Variants in CLTC observed in about 807,000 individuals in gnomAD.
CLTC encodes the protein clathrin heavy chain 1.
A neutral mutation model predicts 195.8 loss-of-function variants in CLTC; 16 were observed. The observed-to-expected ratio is 0.08, with a 90% confidence interval of 0.06 to 0.12. CLTC has a LOEUF of 0.12. Among genes scored for constraint, CLTC ranks in the 10% least tolerant of loss-of-function variants. The pLI is 1.00. For synonymous variants in CLTC, 667 were observed against 689.4 expected, an observed-to-expected ratio of 0.97 and a Z score of 0.51; for missense variants, 796 against 2,027.0, an observed-to-expected ratio of 0.39 and a Z score of 11.66.
At chr17:59,649,954 A>G (rs2032289392) in intron 4 of CLTC, among the ~76,000 whole-genome samples, 1 of 152,184 alleles carries the variant, frequency 6.6e-6, no homozygotes, top group South Asian at 2.1e-4. Flanking sequence ...GTATCTGGAA[A>G]CCTGTTTATA....
At chr17:59,688,668 G>C (rs2033235277) in intron 30 of CLTC, among the ~76,000 whole-genome samples, 1 of 152,136 alleles carries the variant, frequency 6.6e-6, no homozygotes, top group Non-Finnish European at 1.5e-5. Flanking sequence ...AACTTCCTAT[G>C]TGTATGCCAG....
chr17:59,642,260 G>T (rs1327933637), intron 1 of CLTC, among the ~76,000 whole-genome samples: 1 of 152,078 alleles, frequency 6.6e-6, no homozygotes, highest in Non-Finnish European at 1.5e-5. Context: ...AGTGTCTGTG[G>T]TTTGCTTCCT....
chr17:59,685,884 A>G lies in CLTC; in HGVS notation c.4827+76A>G. 8.6e-7 allele frequency: 1 copy of G among 1,162,434 alleles called. No homozygotes were observed. The highest frequency in any genetic ancestry group is 1.2e-6 in the Non-Finnish European group (1 of 819,498). 72.0% of individuals were successfully genotyped at this position (1,162,434 alleles called of 1,614,324 possible). On this transcript the variant is annotated intron_variant, in intron 30 of 31. Coordinates refer to ENST00000269122, the MANE Select transcript of CLTC (RefSeq NM_004859.4). The surrounding 1 kb of genome is among the most constrained non-coding windows in gnomAD (Gnocchi z 5.0). The stretch of plus-strand genomic sequence containing the variant: ...TCTACATGCACATTAATTTTTTTAA[A>G]TGCTTTTTTCTTTAGTAGAAGTAAG...
Position 59,620,014 on chromosome 17 carries a change from A to C in CLTC, c.-118A>C. The C allele has an allele frequency of 2.4e-6, 2 of 825,546 alleles. No individual in the cohort carries two copies. The highest frequency in any genetic ancestry group is 2.0e-6 in the Non-Finnish European group (1 of 511,322). The allele number at this position is 825,546 out of a possible 1,614,324, so 51.1% of individuals were successfully genotyped here. A position where few individuals can be genotyped will look rare whatever the true frequency, so the allele number is the denominator to read the frequency against. The stretch of plus-strand genomic sequence containing the variant: ...CTGCCAGTTTCCTGCGTCCCCGGAG[A>C]GGATCCTGCTGAGCCCAGCCTCCCC... On this transcript the variant is annotated 5_prime_UTR_variant, in exon 1 of 32. Transcript: ENST00000269122.
intron 1 of CLTC, among the ~76,000 whole-genome samples, chr17:59,636,932 C>CTTTTTTTT (rs771908096): frequency 1.9e-3 from 192 of 103,638 alleles, no homozygotes; most frequent in East Asian, 2.1e-3. Context: ...CCGGCTAATT[C>CTTTTTTTT]TTTTTTTTTT....
Position 59,693,954 on chromosome 17 carries a change from A to C in CLTC, c.*102A>C. ...GGAAAACAGGCAACGTGTTCTTGTA[A>C]CCTTTATTTCATGAAGGACTTCTTT... On this transcript the variant is annotated 3_prime_UTR_variant, in exon 32 of 32. Transcript: ENST00000269122. 2 of 1,249,384 alleles carry C rather than the reference A, an allele frequency of 1.6e-6. No individual in the cohort carries two copies. The highest frequency in any genetic ancestry group is 1.5e-5 in the African/African-American group (1 of 65,008). The allele number at this position is 1,249,384 out of a possible 1,614,324, so 77.4% of individuals were successfully genotyped here.
At position 59,676,810 on chromosome 17, in the gene CLTC, G is replaced by A. The variant is rs1049312702; in HGVS notation, c.2562-144G>A. ...TGAATAGCCACTGCACTTCAGCCTG[G>A]ACAATGTAGCAATACTCGGGGGGCG... On this transcript the variant is annotated intron_variant, in intron 16 of 31. Coordinates refer to ENST00000269122, the MANE Select transcript of CLTC (RefSeq NM_004859.4). 1.8e-5 allele frequency: 12 copies of A among 652,278 alleles called. No individual in the cohort carries two copies. The South Asian group carries it at 2.3e-4, about 12-fold the overall frequency. 40.4% of individuals were successfully genotyped at this position (652,278 alleles called of 1,614,324 possible).
rs1330573968 is a variant in CLTC at position 59,680,908 on chromosome 17, G to T, written c.2920-4G>T. On this transcript the variant is annotated splice_region_variant and splice_polypyrimidine_tract_variant and intron_variant, in intron 18 of 31. Coordinates refer to ENST00000269122, the MANE Select transcript of CLTC (RefSeq NM_004859.4). ...AGTACTTATGTCCCATATATCCTCT[G>T]TAGGTTGTACAAACAGCTTTGTCTG... 1.9e-6 allele frequency: 3 copies of T among 1,611,354 alleles called. No homozygotes were observed. The East Asian group carries it at 6.7e-5, about 36-fold the overall frequency.
chr17:59,632,158 G>A (rs58764861), intron 1 of CLTC, among the ~76,000 whole-genome samples: 6,285 of 151,846 alleles, frequency 0.041, 345 homozygotes, highest in African/African-American at 0.13. Context: ...CACGAGGTCA[G>A]GAGATCGAGA....
Position 59,682,646 on chromosome 17 carries a change from T to C in CLTC, c.3618T>C (p.Tyr1206=), listed in dbSNP as rs773436472. ...AHIQQVGDRC[Y]DEKMYDAAKL... is the part of the protein sequence containing the mutation. Reference sequence around the variant, plus strand: ...TTTTCCAGGTTGGTGACCGTTGTTATGATGAAAAAATGTATGATGCTGCTA... The same window carrying C: ...TTTTCCAGGTTGGTGACCGTTGTTACGATGAAAAAATGTATGATGCTGCTA... Residue 1206 remains tyrosine (Y), a synonymous_variant, in exon 23 of 32, where the codon TAT becomes TAC. Transcript: ENST00000269122. The surrounding 1 kb of genome is among the most constrained non-coding windows in gnomAD (Gnocchi z 6.8). 3 of 1,613,930 alleles carry C rather than the reference T, an allele frequency of 1.9e-6. No individual in the cohort carries two copies. Among genetic ancestry groups the C allele is most frequent in the South Asian group, 1.1e-5 (1 of 91,070 alleles).
At chr17:59,689,244 G>A (rs1419177663) in intron 30 of CLTC, 1 of 152,012 alleles carries the variant, frequency 6.6e-6, no homozygotes, top group African/African-American at 2.4e-5. Flanking sequence ...AAATTAAGAT[G>A]GATTAGACTC....
At position 59,661,457 on chromosome 17, in the gene CLTC, T is replaced by A; in HGVS notation, c.1182T>A (p.Thr394=). 1 of 1,613,888 alleles carries A rather than the reference T, an allele frequency of 6.2e-7. No individual in the cohort carries two copies. Among genetic ancestry groups the A allele is most frequent in the South Asian group, 1.1e-5 (1 of 91,084 alleles). ...CCTTCTTAAAGGGAATTCTTCGTACTCCAGACACTATCCGTCGGTTCCAGA... is the reference window on the plus strand; with the variant it reads ...CCTTCTTAAAGGGAATTCTTCGTACACCAGACACTATCCGTCGGTTCCAGA... ...AANAPKGILR[T]PDTIRRFQSV... The change falls in exon 8 of 32, where the codon ACT becomes ACA. Residue 394 remains threonine (T), a synonymous_variant. Transcript: ENST00000269122.
chr17:59,648,600 G>GT lies in CLTC; in HGVS notation c.681+201dup, dbSNP rs1384499246. 1 of 536,576 alleles carries GT rather than the reference G, an allele frequency of 1.9e-6. No individual in the cohort carries two copies. Among genetic ancestry groups the GT allele is most frequent in the Non-Finnish European group, 3.3e-6 (1 of 302,638 alleles). 33.2% of individuals were successfully genotyped at this position (536,576 alleles called of 1,614,324 possible). A position where few individuals can be genotyped will look rare whatever the true frequency, so the allele number is the denominator to read the frequency against. On this transcript the variant is annotated intron_variant, in intron 4 of 31. Coordinates refer to ENST00000269122, the MANE Select transcript of CLTC (RefSeq NM_004859.4). This position sits in a 1 kb window ranked among gnomAD's most constrained non-coding sequence, Gnocchi z 4.5. The stretch of plus-strand genomic sequence containing the variant: ...ATAATGTTCTTTCACAACTCGTTCT[G>GT]TTGGCTGTTTATATTCTTTGATTGC...
intron 2 of CLTC, among the ~76,000 whole-genome samples, chr17:59,645,379 G>C (rs1198807464): frequency 6.6e-6 from 1 of 152,148 alleles, no homozygotes; most frequent in Admixed American, 6.5e-5. Flanking sequence ...GTCCCAACAA[G>C]GGAACTGTGC....
At chr17:59,622,594 C>T (rs1251593649) in intron 1 of CLTC, among the ~76,000 whole-genome samples, 2 of 152,066 alleles carry the variant, frequency 1.3e-5, no homozygotes, top group Non-Finnish European at 2.9e-5. Context: ...AGGCTAGTCT[C>T]GAATGCCTGG....
intron 1 of CLTC, among the ~76,000 whole-genome samples, chr17:59,641,712 A>G (rs2032041166): frequency 6.6e-6 from 1 of 152,004 alleles, no homozygotes; most frequent in Non-Finnish European, 1.5e-5. Flanking sequence ...ATTAGTACCA[A>G]TACATTCCTG....
At chr17:59,667,031 G>A in intron 13 of CLTC, 54 bp downstream of exon 13, 1 of 1,436,342 alleles carries the variant, frequency 7.0e-7, no homozygotes, top group Non-Finnish European at 9.6e-7. Context: ...GCCAAGAAGA[G>A]GTATGCTTAT....
In CLTC at chr17:59,691,920, C is replaced by T. The variant is rs1262966135; in HGVS notation, c.4903+1209C>T. 2.0e-5 allele frequency among the ~76,000 whole-genome samples: 3 copies of T among 152,002 alleles called. No homozygotes were observed. The East Asian group carries it at 5.8e-4, about 29-fold the overall frequency. ...GATGGGTGTAATACTTTGGGGTTAC[C>T]TACTGAATTTGGCTTGCCTTCAGGG... On this transcript the variant is annotated intron_variant, in intron 31 of 31. Coordinates refer to ENST00000269122, the MANE Select transcript of CLTC (RefSeq NM_004859.4).
In CLTC at chr17:59,619,945, T is replaced by G; in HGVS notation, c.-187T>G. On this transcript the variant is annotated 5_prime_UTR_variant, in exon 1 of 32. Coordinates refer to ENST00000269122, the MANE Select transcript of CLTC (RefSeq NM_004859.4). ...CCCGGTTCCGCCATTGCGGCTCTCC[T>G]GGCCCCTGGAGCCTCCGCCCCCGAC... is the stretch of plus-strand genomic sequence containing the variant. The G allele has an allele frequency of 1.7e-6, 1 of 582,800 alleles. No homozygotes were observed. The highest frequency in any genetic ancestry group is 3.1e-6 in the Non-Finnish European group (1 of 326,790). 36.1% of individuals were successfully genotyped at this position (582,800 alleles called of 1,614,324 possible).
Sources: gnomAD v4.1 joint callset for allele counts (sites outside exome capture counted in the v4.1 genomes callset) on GRCh38, gnomAD v4.1.1 for gene constraint, Gnocchi (gnomAD v3.1) non-coding constraint, MANE v1.5 for transcripts, NCBI Gene and HGNC (gene_info 2026-07-23, HGNC 2026-07-21) for gene names.